The following BTG3 variants were observed in gnomAD, a reference collection of about 807,000 sequenced individuals.
BTG3 encodes BTG anti-proliferation factor 3, also known as protein BTG3.
In BTG3, 4 loss-of-function variants were observed where a neutral mutation model predicts 25.8. The ratio of observed to expected loss-of-function variants is 0.16; its 90% CI spans 0.08 to 0.36. The LOEUF (loss-of-function observed/expected upper bound fraction) is 0.36. Ranked by LOEUF, BTG3 falls within the 10% of genes least tolerant of loss-of-function variation. BTG3 has a pLI of 1.00. For synonymous variants in BTG3, 107 were observed against 99.9 expected (o/e 1.07, Z -0.42); for missense variants, 201 against 304.9 (o/e 0.66, Z 2.54).
chr21:17,602,158 CAAA>C (rs566555482), intron 3 of BTG3, among the ~76,000 whole-genome samples: 1 of 140,084 alleles, frequency 7.1e-6, no homozygotes, highest in Non-Finnish European at 1.6e-5. Context: ...CAGAAATCAC[CAAA>C]AAAAAAAAAA....
rs1217771529 is a variant in BTG3, at chr21:17,608,735, G to GTCC, written c.173+236_173+237insGGA. Reference sequence around the variant, plus strand: ...TAGGAGCCAGGCTATAACCACAAAAGACTAACTCCTTTGACCCCATAGCAT... The same window carrying GTCC: ...TAGGAGCCAGGCTATAACCACAAAAGTCCACTAACTCCTTTGACCCCATAGCAT... On this transcript the variant is annotated intron_variant, in intron 2 of 4. Transcript: ENST00000348354. The GTCC allele has an allele frequency of 4.3e-5, 17 of 397,850 alleles. No individual in the cohort carries two copies. In the East Asian group the frequency reaches 6.3e-4, roughly 15 times the overall value. The allele number at this position is 397,850 out of a possible 1,614,324, so 24.6% of individuals were successfully genotyped here. A position where few individuals can be genotyped will look rare whatever the true frequency, so the allele number is the denominator to read the frequency against.
chr21:17,604,213 C>T (rs762274719), intron 3 of BTG3: 8 of 881,416 alleles, frequency 9.1e-6, no homozygotes, highest in South Asian at 6.6e-5. Flanking sequence ...GAGGCCAAGG[C>T]GGGCGGATCA....
intron 3 of BTG3, among the ~76,000 whole-genome samples, chr21:17,599,885 G>T (rs1488210879): frequency 6.6e-6 from 1 of 152,104 alleles, no homozygotes; most frequent in Non-Finnish European, 1.5e-5. Flanking sequence ...AAAAAAGGGG[G>T]CCTGTTATTT....
At chr21:17,595,831 A>G (rs2061497226) in intron 4 of BTG3, among the ~76,000 whole-genome samples, 1 of 152,074 alleles carries the variant, frequency 6.6e-6, no homozygotes, top group African/African-American at 2.4e-5. Context: ...GAGTAATAGA[A>G]GAGTTACACA....
chr21:17,610,220 G>A (rs2061700996), intron 1 of BTG3, among the ~76,000 whole-genome samples: 1 of 152,154 alleles, frequency 6.6e-6, no homozygotes, highest in Non-Finnish European at 1.5e-5. Context: ...ACTTTTTGAG[G>A]TGATAAAAAT....
intron 4 of BTG3, among the ~76,000 whole-genome samples, chr21:17,594,996 T>C (rs999493842): frequency 6.9e-6 from 1 of 144,402 alleles, no homozygotes; most frequent in African/African-American, 2.6e-5. Context: ...AAACCTAAAA[T>C]AAAAGTTAAA....
At position 17,593,882 on chromosome 21, in the gene BTG3, CTAACTT is replaced by C. The variant is rs1200058739; in HGVS notation, c.*205_*210del. On this transcript the variant is annotated 3_prime_UTR_variant, in exon 5 of 5. Coordinates refer to ENST00000348354, the MANE Select transcript of BTG3 (RefSeq NM_006806.5). ...CAATATTAAAAACTTAGGCACTTGA[CTAACTT>C]TAATAAAATTTCTCAAACTATATCA... 2 of 607,306 alleles carry C rather than the reference CTAACTT, an allele frequency of 3.3e-6. No homozygotes were observed. The highest frequency in any genetic ancestry group is 2.7e-5 in the South Asian group (1 of 36,840). The allele number at this position is 607,306 out of a possible 1,614,324, so 37.6% of individuals were successfully genotyped here. A position where few individuals can be genotyped will look rare whatever the true frequency, so the allele number is the denominator to read the frequency against.
chr21:17,602,957 G>T (rs1486109878), intron 3 of BTG3, among the ~76,000 whole-genome samples: 3 of 152,186 alleles, frequency 2.0e-5, no homozygotes, highest in South Asian at 4.1e-4. Flanking sequence ...ATTTGATTGT[G>T]TGATAACATA....
chr21:17,611,814 C>T (rs1006460138), intron 1 of BTG3: 1 of 152,240 alleles, frequency 6.6e-6, no homozygotes, highest in Non-Finnish European at 1.5e-5. Context: ...GAATCAAGCT[C>T]GGCCTCGCAG....
chr21:17,609,385 TAA>T (rs1255777304), intron 1 of BTG3, among the ~76,000 whole-genome samples: 1 of 152,198 alleles, frequency 6.6e-6, no homozygotes, highest in African/African-American at 2.4e-5. Context: ...AGAAATTCCA[TAA>T]AGATAGCACG....
At chr21:17,605,181 G>A in intron 2 of BTG3, 184 bp from the exon 3 acceptor site, 1 of 633,164 alleles carries the variant, frequency 1.6e-6, no homozygotes. Flanking sequence ...GAGGCAGCCT[G>A]AAAAAAAGAT....
At chr21:17,594,708 G>A (rs1012727772) in intron 4 of BTG3, among the ~76,000 whole-genome samples, 4 of 152,040 alleles carry the variant, frequency 2.6e-5, no homozygotes, top group Admixed American at 6.6e-5. Context: ...AAACATTGGA[G>A]CTGGAGGCCA....
rs768584091 is a variant in BTG3, at chr21:17,604,874, A to C, written c.297T>G (p.Cys99Trp). The change falls in exon 3 of 5, where the codon TGT becomes TGG. Residue 99 changes from cysteine (C) to tryptophan (W), a missense_variant. By Grantham distance (215) the Cys-to-Trp change is radical. This residue lies in a region of BTG3 where 70 missense variants were observed against 175.7 expected (regional missense o/e 0.40). Transcript: ENST00000348354. ...TGAGAACTCACCGACAGCACACCTC[A>C]CATGGGTCCACCCAGAGAGTGAGCT... ...PKELTLWVDP[C>W]EVCCRYGEKN... 6.2e-7 allele frequency: 1 copy of C among 1,614,034 alleles called. No homozygotes were observed. Among genetic ancestry groups the C allele is most frequent in the South Asian group, 1.1e-5 (1 of 91,026 alleles).
chr21:17,597,277 ACATTCTT>A (rs2061516212), intron 4 of BTG3, among the ~76,000 whole-genome samples: 2 of 152,110 alleles, frequency 1.3e-5, no homozygotes, highest in African/African-American at 4.8e-5. Context: ...TTTGAGACTT[ACATTCTT>A]GCTTAACAAC....
At chr21:17,597,764 A>C (rs1161188757) in intron 4 of BTG3, among the ~76,000 whole-genome samples, 1 of 152,148 alleles carries the variant, frequency 6.6e-6, no homozygotes, top group Non-Finnish European at 1.5e-5. Context: ...AGTTACACTG[A>C]AATAATGTTC....
At position 17,605,199 on chromosome 21, in the gene BTG3, A is replaced by G. The variant is rs2061623177; in HGVS notation, c.174-202T>C. 4 of 526,080 alleles carry G rather than the reference A, an allele frequency of 7.6e-6. No homozygotes were observed. In the Admixed American group the frequency reaches 1.4e-4, roughly 19 times the overall value. The allele number at this position is 526,080 out of a possible 1,614,324, so 32.6% of individuals were successfully genotyped here. A position where few individuals can be genotyped will look rare whatever the true frequency, so the allele number is the denominator to read the frequency against. On this transcript the variant is annotated intron_variant, in intron 2 of 4. Coordinates refer to ENST00000348354, the MANE Select transcript of BTG3 (RefSeq NM_006806.5). The stretch of plus-strand genomic sequence containing the variant: ...GCAGCCTGAAAAAAAGATGGCACCT[A>G]TGTGAGCCCAAGGAAATCACTAGTA...
At chr21:17,608,265 T>C (rs1056352681) in intron 2 of BTG3, among the ~76,000 whole-genome samples, 25 of 152,106 alleles carry the variant, frequency 1.6e-4, no homozygotes, top group African/African-American at 6.0e-4. Flanking sequence ...CCTAGCTACT[T>C]TGGAGTCTGA....
intron 2 of BTG3, among the ~76,000 whole-genome samples, chr21:17,606,582 A>C (rs1020395513): frequency 2.6e-5 from 4 of 152,134 alleles, no homozygotes; most frequent in Admixed American, 2.6e-4. Flanking sequence ...TCTACAATTA[A>C]GGTGATACAG....
chr21:17,598,090 A>T (rs546102612), intron 4 of BTG3, among the ~76,000 whole-genome samples: 95 of 152,212 alleles, frequency 6.2e-4, no homozygotes, highest in Non-Finnish European at 1.2e-3. Context: ...TGGTATGTAG[A>T]TATAAATAGT....
Sources: gnomAD v4.1 joint callset for allele counts (sites outside exome capture counted in the v4.1 genomes callset) on GRCh38, gnomAD v4.1.1 for gene constraint, gnomAD v4.1.1 regional missense constraint, MANE v1.5 for transcripts, NCBI Gene and HGNC (gene_info 2026-07-23, HGNC 2026-07-21) for gene names.